Variants in KDM4C observed in about 807,000 individuals in gnomAD.
The protein encoded by KDM4C is lysine demethylase 4C, also known as lysine-specific demethylase 4C.
KDM4C carries 81 observed loss-of-function variants against 129.3 expected under a neutral mutation model. The observed-to-expected ratio is 0.63, with a 90% CI of 0.52 to 0.75. The LOEUF (loss-of-function observed/expected upper bound fraction) is 0.75. KDM4C is among the 30% of genes least tolerant of loss of function. The pLI, the probability that KDM4C is intolerant of heterozygous loss-of-function variation, is 0.00. For synonymous variants in KDM4C, 573 were observed against 456.1 expected (o/e 1.26, Z -3.26); for missense variants, 1,457 against 1,304.0 (o/e 1.12, Z -1.81).
chr9:7,153,304 T>G (rs1842879433), intron 19 of KDM4C, among the ~76,000 whole-genome samples: 1 of 152,200 alleles, frequency 6.6e-6, no homozygotes, highest in Non-Finnish European at 1.5e-5. Context: ...GCTTATGACA[T>G]GTTTAACAAG....
rs564927429 is a variant in KDM4C, at chr9:6,760,472, T to C, written c.-18+2269T>C. Among the ~76,000 whole-genome samples the C allele has an allele frequency of 1.9e-4, 28 of 148,692 alleles. No individual in the cohort carries two copies. The South Asian group carries it at 5.5e-3, about 29-fold the overall frequency. The stretch of plus-strand genomic sequence containing the variant: ...ATATATATATATATATATAATGTAA[T>C]TGCTAGGTTAAACATCTGTTGAATG... On this transcript the variant is annotated intron_variant, in intron 1 of 21. Coordinates refer to ENST00000381309, the MANE Select transcript of KDM4C (RefSeq NM_015061.6).
intron 17 of KDM4C, among the ~76,000 whole-genome samples, chr9:7,084,308 G>C (rs779864008): frequency 1.6e-4 from 24 of 152,178 alleles, no homozygotes; most frequent in Non-Finnish European, 2.8e-4. Flanking sequence ...CTGGGTCCTA[G>C]CTTAAGCAAG....
intron 15 of KDM4C, among the ~76,000 whole-genome samples, chr9:7,043,155 G>T (rs1312517781): frequency 6.6e-6 from 1 of 151,988 alleles, no homozygotes; most frequent in East Asian, 1.9e-4. Context: ...AAGAAGGGAG[G>T]TGAAGTATAT....
In KDM4C at chr9:6,748,924, G is replaced by A. The variant is rs1171455034; in HGVS notation, c.49+27927G>A. On this transcript the variant is annotated intron_variant, in intron 1 of 17. Transcript: ENST00000536108. ...CTATTTTGTAAGTATCTGAAGATGAGGTTGATGGGCTGCACCATAACCTTC... is the reference window on the plus strand; with the variant it reads ...CTATTTTGTAAGTATCTGAAGATGAAGTTGATGGGCTGCACCATAACCTTC... 6.5e-6 allele frequency: 6 copies of A among 926,420 alleles called. No homozygotes were observed. In the Admixed American group the frequency reaches 1.0e-4, roughly 16 times the overall value. 57.4% of individuals were successfully genotyped at this position (926,420 alleles called of 1,614,324 possible). A position where few individuals can be genotyped will look rare whatever the true frequency, so the allele number is the denominator to read the frequency against.
intron 17 of KDM4C, among the ~76,000 whole-genome samples, chr9:7,053,485 C>T (rs1035688587): frequency 6.6e-6 from 1 of 152,170 alleles, no homozygotes; most frequent in Non-Finnish European, 1.5e-5. Context: ...GTGTGTGCTT[C>T]ATGGAGATCC....
intron 12 of KDM4C, among the ~76,000 whole-genome samples, chr9:7,003,558 G>T (rs890592559): frequency 1.3e-5 from 2 of 151,826 alleles, no homozygotes; most frequent in African/African-American, 2.4e-5. Flanking sequence ...GTTATTGAGA[G>T]GTGATACATA....
intron 2 of KDM4C, among the ~76,000 whole-genome samples, chr9:6,794,956 A>T (rs1827444014): frequency 6.6e-6 from 1 of 152,208 alleles, no homozygotes; most frequent in African/African-American, 2.4e-5. Flanking sequence ...TATTTTAATT[A>T]AAAAATTTCC....
At chr9:6,759,031 C>T (rs1818860864) in intron 1 of KDM4C, among the ~76,000 whole-genome samples, 1 of 152,130 alleles carries the variant, frequency 6.6e-6, no homozygotes, top group Admixed American at 6.6e-5. Flanking sequence ...CGCTGGCTGG[C>T]TCTGATTGTG....
At chr9:7,052,898 A>AGAGCGAGC (rs1554718544) in intron 17 of KDM4C, among the ~76,000 whole-genome samples, 1 of 47,532 alleles carries the variant, frequency 2.1e-5, no homozygotes, top group Non-Finnish European at 6.9e-5. Flanking sequence ...AGAGAGAGAG[A>AGAGCGAGC]GAGCGAGCGA....
chr9:7,075,770 G>T (rs1307892938), intron 17 of KDM4C, among the ~76,000 whole-genome samples: 3 of 151,790 alleles, frequency 2.0e-5, no homozygotes, highest in African/African-American at 4.8e-5. Context: ...AAAAGAGGGA[G>T]ACTCCATCTC....
intron 19 of KDM4C, among the ~76,000 whole-genome samples, chr9:7,136,508 G>A (rs1263099679): frequency 6.6e-6 from 1 of 152,146 alleles, no homozygotes; most frequent in South Asian, 2.1e-4. Context: ...TCAGTCTTTT[G>A]GACAATAACC....
chr9:6,788,577 A>G (rs749193166), intron 1 of KDM4C, among the ~76,000 whole-genome samples: 5 of 152,238 alleles, frequency 3.3e-5, no homozygotes, highest in Non-Finnish European at 4.4e-5. Context: ...TGGTATCATT[A>G]TGTAAATATG....
intron 4 of KDM4C, among the ~76,000 whole-genome samples, chr9:6,824,299 C>G (rs1588516437): frequency 6.6e-6 from 1 of 152,148 alleles, no homozygotes; most frequent in South Asian, 2.1e-4. Flanking sequence ...CAGTCTCTAG[C>G]ATAGGGTCTG....
In KDM4C at chr9:7,068,682, C is replaced by CTCTCTTTTTTT. The variant is rs1491581614; in HGVS notation, c.2424+19483_2424+19484insCTCTTTTTTTT. On this transcript the variant is annotated intron_variant, in intron 17 of 21. Coordinates refer to ENST00000381309, the MANE Select transcript of KDM4C (RefSeq NM_015061.6). The stretch of plus-strand genomic sequence containing the variant: ...CTATTTCATACATGTTTATGATGCC[C>CTCTCTTTTTTT]TTTCTTTTTTTTTTTTTTTTTTTTT... Among the ~76,000 whole-genome samples, 2 of 88,534 alleles carry CTCTCTTTTTTT rather than the reference C, an allele frequency of 2.3e-5. 1 individual carries two copies. The highest frequency in any genetic ancestry group is 4.6e-5 in the Non-Finnish European group (2 of 43,514). 58.1% of individuals were successfully genotyped at this position (88,534 alleles called of 152,430 possible).
rs1467075909 is a variant in KDM4C, at chr9:6,797,839, C to A, written c.144+4707C>A. On this transcript the variant is annotated intron_variant, in intron 2 of 21. Transcript: ENST00000381309. ...AATGCACATTTTAGCAGAAAGTTTCCCACAGGGAATAGGGGCCAGGCTGGG... is the reference window on the plus strand; with the variant it reads ...AATGCACATTTTAGCAGAAAGTTTCACACAGGGAATAGGGGCCAGGCTGGG... Among the ~76,000 whole-genome samples the A allele has an allele frequency of 2.6e-5, 4 of 152,126 alleles. No individual in the cohort carries two copies. The East Asian group carries it at 7.7e-4, about 29-fold the overall frequency.
intron 5 of KDM4C, among the ~76,000 whole-genome samples, chr9:6,851,929 A>G (rs185512723): frequency 5.3e-5 from 8 of 152,332 alleles, no homozygotes; most frequent in Admixed American, 4.6e-4. Context: ...TAATTACTCT[A>G]TTAGTTATTA....
intron 17 of KDM4C, among the ~76,000 whole-genome samples, chr9:7,090,555 T>C (rs945405345): frequency 1.3e-5 from 2 of 152,202 alleles, no homozygotes; most frequent in Admixed American, 1.3e-4. Flanking sequence ...GTTTAAAATG[T>C]TTTCAGAAGG....
At chr9:6,919,218 TTTTCCTTC>T (rs1336872874) in intron 8 of KDM4C, among the ~76,000 whole-genome samples, 105 of 75,904 alleles carry the variant, frequency 1.4e-3, no homozygotes, top group Non-Finnish European at 3.3e-3. Flanking sequence ...TGAATTTTCT[TTTTCCTTC>T]TTTCTTTCTT....
At chr9:6,964,023 CTGA>C (rs1830472525) in intron 8 of KDM4C, among the ~76,000 whole-genome samples, 1 of 147,986 alleles carries the variant, frequency 6.8e-6, no homozygotes, top group Non-Finnish European at 1.5e-5. Flanking sequence ...GAACATAACT[CTGA>C]TGTTAATATT....
Sources: gnomAD v4.1 joint callset for allele counts (sites outside exome capture counted in the v4.1 genomes callset) on GRCh38, gnomAD v4.1.1 for gene constraint, MANE v1.5 for transcripts, NCBI Gene and HGNC (gene_info 2026-07-23, HGNC 2026-07-21) for gene names.